The following HAVCR2 variants were observed in gnomAD, a reference collection of about 807,000 sequenced individuals.
HAVCR2 encodes the protein T cell immunoglobulin mucin 3.
In HAVCR2, 13 loss-of-function variants were observed where a neutral mutation model predicts 24.7. The observed-to-expected ratio is 0.53, with a 90% CI of 0.34 to 0.84. The LOEUF (loss-of-function observed/expected upper bound fraction) is 0.84, where lower values mean the gene tolerates loss of function less well. HAVCR2 is among the 40% of genes least tolerant of loss of function. The pLI is 0.01. For synonymous variants in HAVCR2, 154 were observed against 143.4 expected (o/e 1.07, Z -0.53); for missense variants, 343 against 371.2 (o/e 0.92, Z 0.62).
At position 157,108,687 on chromosome 5, in the gene HAVCR2, C is replaced by CT. The variant is rs898728781; in HGVS notation, c.58+238dup. Among the ~76,000 whole-genome samples, 14 of 152,286 alleles carry CT rather than the reference C, an allele frequency of 9.2e-5. No individual in the cohort carries two copies. The East Asian group carries it at 2.7e-3, about 29-fold the overall frequency. ...GCCTAATATATGCATTATTCTGCAACTTTTTTTCTTTAATAACATTATAAT... is the reference window on the plus strand; with the variant it reads ...GCCTAATATATGCATTATTCTGCAACTTTTTTTTCTTTAATAACATTATAAT... On this transcript the variant is annotated intron_variant, in intron 1 of 6. Transcript: ENST00000307851.
chr5:157,087,902 CA>C (rs753842431), intron 6 of HAVCR2, among the ~76,000 whole-genome samples: 1,419 of 88,798 alleles, frequency 0.016, 8 homozygotes, highest in African/African-American at 0.038. Context: ...GACTCCGTCT[CA>C]AAAAAAAAAA....
In HAVCR2 at chr5:157,106,913, C is replaced by A; in HGVS notation, c.108G>T (p.Leu36=). 6.2e-7 allele frequency: 1 copy of A among 1,614,128 alleles called. No homozygotes were observed. Among genetic ancestry groups the A allele is most frequent in the Non-Finnish European group, 8.5e-7 (1 of 1,180,008 alleles). The stretch of plus-strand genomic sequence containing the variant: ...GGGCGGCTGGGGTGTAGAAGCAGGG[C>A]AGATAGGCATTCTGACCGACCTCCG... The part of the protein sequence containing the change: ...YRAEVGQNAY[L]PCFYTPAAPG... The change falls in exon 2 of 7, where the codon CTG becomes CTT. Residue 36 remains leucine, a synonymous_variant. Transcript: ENST00000307851.
chr5:157,109,037 C>G lies in HAVCR2; in HGVS notation c.-54G>C. 1 of 1,522,730 alleles carries G rather than the reference C, an allele frequency of 6.6e-7. No individual in the cohort carries two copies. Among genetic ancestry groups the G allele is most frequent in the Non-Finnish European group, 9.1e-7 (1 of 1,098,626 alleles). The allele number at this position is 1,522,730 out of a possible 1,614,324, so 94.3% of individuals were successfully genotyped here. A position where few individuals can be genotyped will look rare whatever the true frequency, so the allele number is the denominator to read the frequency against. On this transcript the variant is annotated 5_prime_UTR_variant, in exon 1 of 7. Coordinates refer to ENST00000307851, the MANE Select transcript of HAVCR2 (RefSeq NM_032782.5). ...ACCTCTGTTAGGCACAGTTTTAACT[C>G]TCCAAATGGACTGGGTACTTCTTCC...
At chr5:157,087,395 G>C (rs1188536525) in intron 6 of HAVCR2, 101 bp from the exon 7 acceptor site, 5 of 928,806 alleles carry the variant, frequency 5.4e-6, no homozygotes, top group African/African-American at 5.0e-5. Flanking sequence ...ACTAAATATA[G>C]TGCATGATCT....
At chr5:157,100,956 C>T (rs1561622451) in intron 3 of HAVCR2, among the ~76,000 whole-genome samples, 1 of 151,806 alleles carries the variant, frequency 6.6e-6, no homozygotes, top group Non-Finnish European at 1.5e-5. Context: ...ATTAGCCGGG[C>T]GTGGTGGTGT....
chr5:157,105,981 G>A (rs1757242146), intron 2 of HAVCR2: 1 of 152,214 alleles, frequency 6.6e-6, no homozygotes, highest in South Asian at 2.1e-4. Flanking sequence ...CAAAGTATTG[G>A]GATTATAGGC....
At position 157,087,241 on chromosome 5, in the gene HAVCR2, T is replaced by G; in HGVS notation, c.767A>C (p.Glu256Ala). ...GATGTTTTCTTCTGAGCGAATTCCCTCTGCTACTGCATTTGCCAATCCTGA... is the reference window on the plus strand; with the variant it reads ...GATGTTTTCTTCTGAGCGAATTCCCGCTGCTACTGCATTTGCCAATCCTGA... ...PPSGLANAVAEGIRSEENIYT... is the reference protein window; with the variant it reads ...PPSGLANAVAAGIRSEENIYT... Residue 256 changes from glutamate (E) to alanine (A), a missense_variant, in exon 7 of 7, where the codon GAG (glutamate) becomes GCG (alanine). Physicochemically the swap from Glu to Ala is moderately radical, Grantham distance 107. Transcript: ENST00000307851. The G allele has an allele frequency of 6.2e-7, 1 of 1,613,636 alleles. No homozygotes were observed. Among genetic ancestry groups the G allele is most frequent in the Non-Finnish European group, 8.5e-7 (1 of 1,179,932 alleles).
intron 2 of HAVCR2, among the ~76,000 whole-genome samples, chr5:157,105,151 G>A (rs369089676): frequency 4.0e-5 from 6 of 151,164 alleles, no homozygotes; most frequent in East Asian, 3.9e-4. Flanking sequence ...TGCAACCTCC[G>A]CCTCCTGGGT....
chr5:157,092,800 G>T (rs1303095229), intron 5 of HAVCR2, among the ~76,000 whole-genome samples: 1 of 141,606 alleles, frequency 7.1e-6, no homozygotes, highest in Non-Finnish European at 1.5e-5. Context: ...CACTTTGGGA[G>T]GCTGAAGTAG....
rs1303938448 is a variant in HAVCR2 at position 157,086,315 on chromosome 5, C to G, written c.*787G>C. 6.6e-6 allele frequency: 1 copy of G among 152,208 alleles called. No individual in the cohort carries two copies. Among genetic ancestry groups the G allele is most frequent in the Non-Finnish European group, 1.5e-5 (1 of 68,070 alleles). 9.4% of individuals were successfully genotyped at this position (152,208 alleles called of 1,614,324 possible). On this transcript the variant is annotated 3_prime_UTR_variant, in exon 7 of 7. Coordinates refer to ENST00000307851, the MANE Select transcript of HAVCR2 (RefSeq NM_032782.5). ...AATCTCAACATTCCAAGGGAATCTT[C>G]AAGATCAAGGTAGACCTGGTCCAGT...
chr5:157,090,863 A>G (rs1410216421), intron 5 of HAVCR2, among the ~76,000 whole-genome samples: 1 of 152,076 alleles, frequency 6.6e-6, no homozygotes, highest in African/African-American at 2.4e-5. Flanking sequence ...TTTCTCTGAG[A>G]CAGGGTCTCC....
rs376196785 is a variant in HAVCR2 at position 157,109,013 on chromosome 5, C to T, written c.-30G>A. On this transcript the variant is annotated 5_prime_UTR_variant, in exon 1 of 7. In the 5' UTR this introduces an upstream ATG that the reference lacks. Transcript: ENST00000307851. ...CTTGCAGAAGAAAAGTCAGAGGACA[C>T]CTCTGTTAGGCACAGTTTTAACTCT... 3.2e-5 allele frequency: 52 copies of T among 1,607,662 alleles called. No individual in the cohort carries two copies. Among genetic ancestry groups the T allele is most frequent in the Non-Finnish European group, 4.2e-5 (49 of 1,174,318 alleles).
At chr5:157,108,599 G>C (rs1389942901) in intron 1 of HAVCR2, among the ~76,000 whole-genome samples, 2 of 152,084 alleles carry the variant, frequency 1.3e-5, no homozygotes, top group Non-Finnish European at 2.9e-5. Context: ...TTTTCCTAGA[G>C]CTTATACATT....
At chr5:157,095,641 T>C (rs1436513758) in intron 4 of HAVCR2, among the ~76,000 whole-genome samples, 182 bp from the exon 5 acceptor site, 1 of 151,366 alleles carries the variant, frequency 6.6e-6, no homozygotes, top group Non-Finnish European at 1.5e-5. Flanking sequence ...AGGGTCTCCC[T>C]TAACCTTTGG....
intron 5 of HAVCR2, among the ~76,000 whole-genome samples, chr5:157,094,543 C>T (rs1757064509): frequency 6.6e-6 from 1 of 151,796 alleles, no homozygotes; most frequent in Non-Finnish European, 1.5e-5. Flanking sequence ...GCCACCACAC[C>T]CGGCTAATTT....
chr5:157,090,122 C>CTTTTTTTTTTTTTTTTTTTTTTT (rs869177923), intron 5 of HAVCR2, among the ~76,000 whole-genome samples: 10 of 65,576 alleles, frequency 1.5e-4, no homozygotes, highest in Admixed American at 2.2e-4. Flanking sequence ...CTTTTCTTTT[C>CTTTTTTTTTTTTTTTTTTTTTTT]TTTTTTTTTT....
intron 3 of HAVCR2, among the ~76,000 whole-genome samples, chr5:157,100,190 G>A (rs1202620433): frequency 6.6e-6 from 1 of 152,210 alleles, no homozygotes; most frequent in Non-Finnish European, 1.5e-5. Context: ...CTAAAGTAGA[G>A]ACTGTTAGTC....
chr5:157,101,941 A>ATTT (rs869260432), intron 3 of HAVCR2, among the ~76,000 whole-genome samples: 55 of 83,026 alleles, frequency 6.6e-4, no homozygotes, highest in African/African-American at 2.0e-3. Flanking sequence ...ATGCCCGGCT[A>ATTT]TTTTTTTTTT....
rs1258633363 is a variant in HAVCR2 at position 157,093,713 on chromosome 5, G to A, written c.676+1593C>T. On this transcript the variant is annotated intron_variant, in intron 5 of 6. Transcript: ENST00000307851. Reference sequence around the variant, plus strand: ...TGTAATCCCAAAACATTGGGAGGTCGAGGTGGACGGATCACAAGGTCAGGA... The same window carrying A: ...TGTAATCCCAAAACATTGGGAGGTCAAGGTGGACGGATCACAAGGTCAGGA... 4.6e-5 allele frequency among the ~76,000 whole-genome samples: 7 copies of A among 152,178 alleles called. No individual in the cohort carries two copies. The South Asian group carries it at 1.0e-3, about 23-fold the overall frequency.
Sources: allele counts gnomAD v4.1 joint callset (sites outside exome capture counted in the v4.1 genomes callset), GRCh38; gene constraint gnomAD v4.1.1; transcripts MANE v1.5; gene names NCBI Gene and HGNC (gene_info 2026-07-23, HGNC 2026-07-21).